Variants in ZNF136 observed in about 807,000 individuals in gnomAD.
ZNF136 encodes the protein zinc finger protein 136.
In ZNF136, 8 loss-of-function variants were observed where a neutral mutation model predicts 11.4. That is an observed-to-expected ratio of 0.70 (90% CI 0.41 to 1.27). The LOEUF (loss-of-function observed/expected upper bound fraction) is 1.27, where lower values mean the gene tolerates loss of function less well. Ranked by LOEUF, ZNF136 falls within the 50% of genes most tolerant of loss-of-function variation. The pLI, the probability that ZNF136 is intolerant of heterozygous loss-of-function variation, is 0.01. For synonymous variants in ZNF136, 190 were observed against 207.1 expected (o/e 0.92, Z 0.71); for missense variants, 590 against 656.5 (o/e 0.90, Z 1.11).
At chr19:12,172,223 A>G (rs1914674324) in intron 1 of ZNF136, among the ~76,000 whole-genome samples, 1 of 152,088 alleles carries the variant, frequency 6.6e-6, no homozygotes, top group Non-Finnish European at 1.5e-5. Flanking sequence ...TGCTGGGATT[A>G]CAGACGTGAG....
At chr19:12,169,692 C>T (rs572660748) in intron 1 of ZNF136, among the ~76,000 whole-genome samples, 4 of 151,794 alleles carry the variant, frequency 2.6e-5, no homozygotes, top group Admixed American at 6.6e-5. Context: ...CACTGCAAGC[C>T]CAGCCTCCCG....
intron 2 of ZNF136, 67 bp downstream of exon 2, chr19:12,185,978 T>A (rs1170996349): frequency 1.2e-6 from 2 of 1,607,778 alleles, no homozygotes; most frequent in African/African-American, 2.7e-5. Context: ...GTGATGCTGT[T>A]CCATGGTTTG....
At chr19:12,185,145 G>A (rs1319653556) in intron 1 of ZNF136, 1 of 152,262 alleles carries the variant, frequency 6.6e-6, no homozygotes, top group Admixed American at 6.5e-5. Flanking sequence ...TGCAAATTAA[G>A]TGGTGGGTTA....
chr19:12,183,939 G>GGTGA (rs1915015862), intron 1 of ZNF136, among the ~76,000 whole-genome samples: 1 of 152,126 alleles, frequency 6.6e-6, no homozygotes. Context: ...TAGATAAATT[G>GGTGA]GTGAATTCAC....
At position 12,187,644 on chromosome 19, in the gene ZNF136, TA is replaced by T; in HGVS notation, c.1269del (p.Lys423AsnfsTer46). 6.2e-7 allele frequency: 1 copy of T among 1,614,120 alleles called. No individual in the cohort carries two copies. The highest frequency in any genetic ancestry group is 8.5e-7 in the Non-Finnish European group (1 of 1,180,016). On this transcript the variant is annotated frameshift_variant, in exon 4 of 4. Coordinates refer to ENST00000343979, the MANE Select transcript of ZNF136 (RefSeq NM_003437.5). LOFTEE classifies it low-confidence loss of function (END_TRUNC). ...ACACTGGAGAGAAACCTTATGTATGTAAACATTGTGGTAAAGCTTTCGTTTC... is the reference window on the plus strand; with the variant it reads ...ACACTGGAGAGAAACCTTATGTATGTAACATTGTGGTAAAGCTTTCGTTTC... ...THTGEKPYVC[K>X]HCGKAFVSST...
chr19:12,186,680 T>G lies in ZNF136; in HGVS notation c.302T>G (p.Leu101Arg), dbSNP rs775567999. Reference sequence around the variant, plus strand: ...AGCAAGAAAATCCCTGGAGTGAAACTCTGTGAAAGCATTGTATATGGAGAA... The same window carrying G: ...AGCAAGAAAATCCCTGGAGTGAAACGCTGTGAAAGCATTGTATATGGAGAA... Reference protein sequence around the residue: ...NLSKKIPGVKLCESIVYGEVS... With the variant: ...NLSKKIPGVKRCESIVYGEVS... Residue 101 changes from leucine (L) to arginine (R), a missense_variant, in exon 4 of 4, where the codon CTC (leucine) becomes CGC (arginine). Leu to Arg is a moderately radical substitution (Grantham distance 102). Coordinates refer to ENST00000343979, the MANE Select transcript of ZNF136 (RefSeq NM_003437.5). 8.7e-6 allele frequency: 14 copies of G among 1,614,056 alleles called. No individual in the cohort carries two copies. The highest frequency in any genetic ancestry group is 8.5e-7 in the Non-Finnish European group (1 of 1,180,022).
At chr19:12,177,825 A>G (rs1004400633) in intron 1 of ZNF136, among the ~76,000 whole-genome samples, 1 of 152,156 alleles carries the variant, frequency 6.6e-6, no homozygotes, top group Non-Finnish European at 1.5e-5. Context: ...GAAAAATTGG[A>G]GGCCAGGCCC....
chr19:12,182,789 G>A (rs768723554), intron 1 of ZNF136, among the ~76,000 whole-genome samples: 2 of 152,026 alleles, frequency 1.3e-5, no homozygotes, highest in Non-Finnish European at 1.5e-5. Flanking sequence ...GGGAAGGGTC[G>A]GTGAGCAGCA....
intron 1 of ZNF136, among the ~76,000 whole-genome samples, chr19:12,169,631 C>T (rs568792957): frequency 2.8e-5 from 4 of 145,426 alleles, no homozygotes; most frequent in East Asian, 4.0e-4. Context: ...TTTTTTGAGA[C>T]GGACTCTCGC....
At chr19:12,180,095 T>C (rs1468265814) in intron 1 of ZNF136, among the ~76,000 whole-genome samples, 1 of 152,132 alleles carries the variant, frequency 6.6e-6, no homozygotes, top group Non-Finnish European at 1.5e-5. Context: ...CTTGATCTCC[T>C]GACCTCGTGA....
chr19:12,164,870 C>T (rs1371750906), intron 1 of ZNF136: 5 of 152,206 alleles, frequency 3.3e-5, no homozygotes, highest in South Asian at 4.1e-4. Context: ...CTGCTATTGC[C>T]ACAAGTAGGT....
intron 2 of ZNF136, 100 bp from the exon 3 acceptor site, chr19:12,186,014 G>A: frequency 6.3e-7 from 1 of 1,592,940 alleles, no homozygotes; most frequent in East Asian, 2.2e-5. Context: ...GTACTTGGGG[G>A]GCTAAAACAG....
chr19:12,188,154 A>G lies in ZNF136; in HGVS notation c.*153A>G. On this transcript the variant is annotated 3_prime_UTR_variant, in exon 4 of 4. Transcript: ENST00000343979. ...GCCATATACATGTAAGTAACATGGG[A>G]AAGCTTTCAATCATTTTAGTTCCTT... 3.7e-6 allele frequency: 2 copies of G among 534,246 alleles called. No individual in the cohort carries two copies. The highest frequency in any genetic ancestry group is 6.0e-6 in the Non-Finnish European group (2 of 332,480). 33.1% of individuals were successfully genotyped at this position (534,246 alleles called of 1,614,324 possible).
At chr19:12,183,707 T>A (rs1915008449) in intron 1 of ZNF136, among the ~76,000 whole-genome samples, 1 of 152,096 alleles carries the variant, frequency 6.6e-6, no homozygotes, top group Non-Finnish European at 1.5e-5. Context: ...CAAGCAGTCC[T>A]CTCACCTCAG....
chr19:12,176,118 C>T (rs372988296), intron 1 of ZNF136, among the ~76,000 whole-genome samples: 5 of 152,110 alleles, frequency 3.3e-5, no homozygotes, highest in African/African-American at 4.8e-5. Flanking sequence ...TTATGAATAA[C>T]GCTGCTATAA....
At position 12,185,890 on chromosome 19, in the gene ZNF136, A is replaced by G. The variant is rs753949747; in HGVS notation, c.109A>G (p.Met37Val). ...NLYRDVMWET[M>V]RNLASIGKKW... ...CTACAGAGATGTGATGTGGGAAACC[A>G]TGAGGAATCTGGCCTCTATAGGTAA... Residue 37 changes from methionine to valine, a missense_variant, in exon 2 of 4, where the codon ATG (methionine) becomes GTG (valine). By Grantham distance (21) the Met-to-Val change is conservative (BLOSUM62 1). Coordinates refer to ENST00000343979, the MANE Select transcript of ZNF136 (RefSeq NM_003437.5). The G allele has an allele frequency of 4.3e-6, 7 of 1,613,552 alleles. No individual in the cohort carries two copies. In the African/African-American group the frequency reaches 8.0e-5, roughly 18 times the overall value.
In ZNF136 at chr19:12,163,977, T is replaced by G. The variant is rs113160921; in HGVS notation, c.3+771T>G. Among the ~76,000 whole-genome samples, 122 of 152,238 alleles carry G rather than the reference T, an allele frequency of 8.0e-4. 1 individual carries two copies. Among genetic ancestry groups the G allele is most frequent in the African/African-American group, 2.9e-3 (120 of 41,542 alleles). On this transcript the variant is annotated intron_variant, in intron 1 of 3. Transcript: ENST00000343979. The stretch of plus-strand genomic sequence containing the variant: ...TATGCCTTCAGCGCCCCCTCCTATT[T>G]ATTTTTTCCTGGTTCTGGGTTTCAA...
intron 1 of ZNF136, among the ~76,000 whole-genome samples, chr19:12,170,615 C>T (rs1350439846): frequency 6.7e-6 from 1 of 150,180 alleles, no homozygotes; most frequent in Non-Finnish European, 1.5e-5. Context: ...AACCCTTGGG[C>T]TCAGCACTGG....
chr19:12,187,600 C>T lies in ZNF136; in HGVS notation c.1222C>T (p.Arg408Ter), dbSNP rs371730093. The T allele has an allele frequency of 6.2e-6, 10 of 1,613,958 alleles. No individual in the cohort carries two copies. The highest frequency in any genetic ancestry group is 2.7e-5 in the African/African-American group (2 of 74,890). Reference sequence around the variant, plus strand: ...ACCCTTTCATTCTCTGAGTCCATTTCGAATACATGAAAGAACTCACACTGG... The same window carrying T: ...ACCCTTTCATTCTCTGAGTCCATTTTGAATACATGAAAGAACTCACACTGG... ...GKPFHSLSPF[R>*]IHERTHTGEK... Residue 408 changes from arginine to a stop codon, truncating the protein, a stop_gained, in exon 4 of 4, where the codon CGA (arginine) becomes TGA (stop). Transcript: ENST00000343979. LOFTEE classifies it low-confidence loss of function (END_TRUNC).
Sources: allele counts gnomAD v4.1 joint callset (sites outside exome capture counted in the v4.1 genomes callset), GRCh38; gene constraint gnomAD v4.1.1; transcripts MANE v1.5; gene names NCBI Gene and HGNC (gene_info 2026-07-23, HGNC 2026-07-21).